Variants in PAXBP1 observed in about 807,000 individuals in gnomAD.
The protein encoded by PAXBP1 is PAX3 and PAX7 binding protein 1.
Under a neutral mutation model 119.9 loss-of-function variants are expected in PAXBP1, and 44 were observed. The ratio of observed to expected loss-of-function variants is 0.37; its 90% CI spans 0.29 to 0.47. The LOEUF is 0.47. Ranked by LOEUF, PAXBP1 falls within the 20% of genes least tolerant of loss-of-function variation. The pLI is 0.99. For missense variants in PAXBP1, 898 were observed against 1,134.1 expected (o/e 0.79, Z 2.99); for synonymous variants, 393 against 406.6 (o/e 0.97, Z 0.40).
intron 1 of PAXBP1, among the ~76,000 whole-genome samples, 162 bp downstream of exon 1, chr21:32,771,164 C>T (rs763037326): frequency 2.0e-5 from 3 of 152,172 alleles, no homozygotes; most frequent in Admixed American, 2.0e-4. Flanking sequence ...GTCCCTTGCC[C>T]GAGCAGAAGG....
chr21:32,735,007 CAT>C lies in PAXBP1; in HGVS notation c.2695_2696del (p.Met899ValfsTer5). ...TCACATTGTGGTCACTTGCAACAGA[CAT>C]AGCATGATCCAAAGCTCGAACACTT... ...LASVRALDHA[M>X]SVASDHNVKE... On this transcript the variant is annotated frameshift_variant, in exon 18 of 18. Coordinates refer to ENST00000331923, the MANE Select transcript of PAXBP1 (RefSeq NM_016631.4). LOFTEE classifies it high-confidence loss of function. The C allele has an allele frequency of 6.2e-7, 1 of 1,613,908 alleles. No homozygotes were observed. Among genetic ancestry groups the C allele is most frequent in the Non-Finnish European group, 8.5e-7 (1 of 1,179,912 alleles).
Position 32,744,756 on chromosome 21 carries a change from G to GAAAA in PAXBP1, c.2190+32_2190+35dup. 5.1e-6 allele frequency: 6 copies of GAAAA among 1,183,122 alleles called. No homozygotes were observed. In the African/African-American group the frequency reaches 6.8e-5, roughly 13 times the overall value. The allele number at this position is 1,183,122 out of a possible 1,614,324, so 73.3% of individuals were successfully genotyped here. On this transcript the variant is annotated intron_variant, in intron 13 of 17. Transcript: ENST00000331923. ...GCTTGCTCATATTCAACAGAAAGAG[G>GAAAA]AAAAAAAAAAAAGGCTTCAAAAGAT... is the stretch of plus-strand genomic sequence containing the variant.
At chr21:32,737,487 G>C (rs2043709717) in intron 16 of PAXBP1, 79 bp from the exon 17 acceptor site, 1 of 1,179,344 alleles carries the variant, frequency 8.5e-7, no homozygotes, top group Non-Finnish European at 1.2e-6. Context: ...TAGTTAATGG[G>C]TATAAATGTA....
chr21:32,767,293 T>C (rs1287748139), intron 2 of PAXBP1, among the ~76,000 whole-genome samples: 1 of 152,232 alleles, frequency 6.6e-6, no homozygotes, highest in East Asian at 1.9e-4. Flanking sequence ...TGCCAATTAA[T>C]GACAGACCTT....
chr21:32,767,608 G>A (rs146403812), intron 2 of PAXBP1, among the ~76,000 whole-genome samples: 1,906 of 152,224 alleles, frequency 0.013, 46 homozygotes, highest in African/African-American at 0.043. Context: ...GGTCTTTCCC[G>A]TGCCATTCTC....
In PAXBP1 at chr21:32,750,957, T is replaced by A; in HGVS notation, c.1683A>T (p.Glu561Asp). 3 of 1,613,986 alleles carry A rather than the reference T, an allele frequency of 1.9e-6. No individual in the cohort carries two copies. Among genetic ancestry groups the A allele is most frequent in the African/African-American group, 1.3e-5 (1 of 75,040 alleles). Residue 561 changes from glutamate (E) to aspartate (D), a missense_variant, in exon 10 of 18, where the codon GAA becomes GAT. Around this residue, in one of 2 missense-constraint regions of PAXBP1, gnomAD observed 599 missense variants for 852.7 expected, o/e 0.70. Coordinates refer to ENST00000331923, the MANE Select transcript of PAXBP1 (RefSeq NM_016631.4). Reference sequence around the variant, plus strand: ...AATTAGTAATATCTGTAGAAGTTTCTTCATCATCACTGGAAAGGCCTTCAA... The same window carrying A: ...AATTAGTAATATCTGTAGAAGTTTCATCATCATCACTGGAAAGGCCTTCAA... ...DHLEGLSSDDEETSTDITNFN... is the reference protein window; with the variant it reads ...DHLEGLSSDDDETSTDITNFN...
At chr21:32,746,796 T>C (rs1294637369) in intron 11 of PAXBP1, among the ~76,000 whole-genome samples, 1 of 152,204 alleles carries the variant, frequency 6.6e-6, no homozygotes, top group Non-Finnish European at 1.5e-5. Flanking sequence ...GTATGTTCAC[T>C]GCAGCACTAT....
At position 32,734,222 on chromosome 21, in the gene PAXBP1, A is replaced by G. The variant is rs2043660565; in HGVS notation, c.*728T>C. 1.3e-5 allele frequency: 2 copies of G among 152,806 alleles called. No homozygotes were observed. The highest frequency in any genetic ancestry group is 4.8e-5 in the African/African-American group (2 of 41,578). 9.5% of individuals were successfully genotyped at this position (152,806 alleles called of 1,614,324 possible). On this transcript the variant is annotated 3_prime_UTR_variant, in exon 18 of 18. Transcript: ENST00000331923. ...AGCTGGGCAGGGAGTAAAATCATGAATGAGACAGGACGGTCAGCCCAAAAC... is the reference window on the plus strand; with the variant it reads ...AGCTGGGCAGGGAGTAAAATCATGAGTGAGACAGGACGGTCAGCCCAAAAC...
At position 32,737,408 on chromosome 21, in the gene PAXBP1, C is replaced by G; in HGVS notation, c.2482G>C (p.Val828Leu). ...GDDSIKKAQN[V>L]INCFPKQWFM... ...CATTGTTTGGGGAAACAATTGATTA[C>G]CTGTGGAGAAGAAAGACGTAAAATA... Residue 828 changes from valine (V) to leucine (L), a missense_variant and splice_region_variant, in exon 17 of 18, where the codon GTA becomes CTA. Coordinates refer to ENST00000331923, the MANE Select transcript of PAXBP1 (RefSeq NM_016631.4). 6.3e-7 allele frequency: 1 copy of G among 1,593,726 alleles called. No homozygotes were observed. The highest frequency in any genetic ancestry group is 8.5e-7 in the Non-Finnish European group (1 of 1,172,584).
At chr21:32,749,221 T>C (rs1476558509) in intron 10 of PAXBP1, among the ~76,000 whole-genome samples, 1 of 151,454 alleles carries the variant, frequency 6.6e-6, no homozygotes, top group Non-Finnish European at 1.5e-5. Context: ...TTGAGACAGA[T>C]TCTCACTCTG....
rs1350088134 is a variant in PAXBP1, at chr21:32,738,329, A to G, written c.2335-10T>C. On this transcript the variant is annotated splice_polypyrimidine_tract_variant and intron_variant, in intron 15 of 17. Coordinates refer to ENST00000331923, the MANE Select transcript of PAXBP1 (RefSeq NM_016631.4). ...GAAAATTGCCTAACAGCTGGAAAGA[A>G]GAAAAAAAATAGGTAATGTGAAACA... 6.3e-7 allele frequency: 1 copy of G among 1,578,156 alleles called. No individual in the cohort carries two copies.
In PAXBP1 at chr21:32,759,293, A is replaced by G. The variant is rs773855230; in HGVS notation, c.1194-24T>C. ...ACCTTAGGAACACAAAAGGATAAAT[A>G]TAACACATTTACATCCAAAGGTCTA... On this transcript the variant is annotated intron_variant, in intron 6 of 17. Transcript: ENST00000331923. 1.1e-5 allele frequency: 18 copies of G among 1,603,514 alleles called. No individual in the cohort carries two copies. The East Asian group carries it at 3.6e-4, about 32-fold the overall frequency.
At position 32,744,909 on chromosome 21, in the gene PAXBP1, T is replaced by A. The variant is rs2043849902; in HGVS notation, c.2073A>T (p.Ile691=). 6.3e-7 allele frequency: 1 copy of A among 1,597,190 alleles called. No homozygotes were observed. Among genetic ancestry groups the A allele is most frequent in the Non-Finnish European group, 8.5e-7 (1 of 1,175,388 alleles). The part of the protein sequence containing the change: ...EKVILPKLTV[I]AENMWDPFST... ...AAAAAGGGTCCCACATATTTTCAGC[T>A]ATCACTATTAAGAAAAAAAGAGGAT... is the stretch of plus-strand genomic sequence containing the variant. Residue 691 remains isoleucine (I), a synonymous_variant, in exon 13 of 18, where the codon ATA becomes ATT. Coordinates refer to ENST00000331923, the MANE Select transcript of PAXBP1 (RefSeq NM_016631.4).
chr21:32,771,560 C>CCGGCGGCGGCAACAA lies in PAXBP1; in HGVS notation c.94_108dup (p.Leu32_Pro36dup), dbSNP rs764277847. On this transcript the variant is annotated inframe_insertion, in exon 1 of 18. Transcript: ENST00000331923. The stretch of plus-strand genomic sequence containing the variant: ...CCGGGGCCCGCCTCTTCGCCCGTGC[C>CCGGCGGCGGCAACAA]CGGCGGCGGCAACAACGGCGGCGGC... 3.5e-6 allele frequency: 5 copies of CCGGCGGCGGCAACAA among 1,422,640 alleles called. No homozygotes were observed. The highest frequency in any genetic ancestry group is 4.6e-6 in the Non-Finnish European group (5 of 1,091,902). 88.1% of individuals were successfully genotyped at this position (1,422,640 alleles called of 1,614,324 possible).
chr21:32,766,211 C>T (rs941861503), intron 2 of PAXBP1, among the ~76,000 whole-genome samples: 2 of 152,152 alleles, frequency 1.3e-5, no homozygotes, highest in African/African-American at 4.8e-5. Context: ...AGGTCTACTA[C>T]ATCAGATATG....
chr21:32,753,397 G>A (rs1003838808), intron 8 of PAXBP1, among the ~76,000 whole-genome samples: 2 of 131,332 alleles, frequency 1.5e-5, no homozygotes, highest in African/African-American at 2.9e-5. Flanking sequence ...TTGCACTCCA[G>A]CCTGGGCAAC....
chr21:32,760,048 A>G, intron 5 of PAXBP1, 54 bp from the exon 6 acceptor site: 6 of 1,407,280 alleles, frequency 4.3e-6, no homozygotes, highest in Non-Finnish European at 5.9e-6. Context: ...TTTGAAAATA[A>G]TAATATGCCT....
rs1312532482 is a variant in PAXBP1, at chr21:32,744,897, C to T, written c.2085G>A (p.Met695Ile). ...LPKLTVIAEN[M>I]WDPFSTTQTS... ...TCTGTGTTGTAGAAAAAGGGTCCCA[C>T]ATATTTTCAGCTATCACTATTAAGA... The change falls in exon 13 of 18, where the codon ATG becomes ATA. Residue 695 changes from methionine (M) to isoleucine (I), a missense_variant. Coordinates refer to ENST00000331923, the MANE Select transcript of PAXBP1 (RefSeq NM_016631.4). The T allele has an allele frequency of 3.1e-6, 5 of 1,598,314 alleles. No homozygotes were observed. Among genetic ancestry groups the T allele is most frequent in the African/African-American group, 1.4e-5 (1 of 73,678 alleles).
chr21:32,750,781 C>A, intron 10 of PAXBP1, 136 bp downstream of exon 10: 1 of 636,578 alleles, frequency 1.6e-6, no homozygotes, highest in Non-Finnish European at 2.7e-6. Context: ...AAAAGGCATG[C>A]AAATTTCTGC....
Sources: allele counts gnomAD v4.1 joint callset (sites outside exome capture counted in the v4.1 genomes callset), GRCh38; gene constraint gnomAD v4.1.1; regional missense constraint gnomAD v4.1.1; transcripts MANE v1.5; gene names NCBI Gene and HGNC (gene_info 2026-07-23, HGNC 2026-07-21).